SLC1A7: variants seen among roughly 807,000 people sequenced by gnomAD.
The protein encoded by SLC1A7 is solute carrier family 1 member 7.
Under a neutral mutation model 47.7 loss-of-function variants are expected in SLC1A7, and 40 were observed. That is an observed-to-expected ratio of 0.84 (90% CI 0.65 to 1.09). SLC1A7 has a LOEUF of 1.09. Among genes scored for constraint, SLC1A7 ranks in the 50% least tolerant of loss-of-function variants. The probability of loss-of-function intolerance (pLI) is 0.00; values close to 1 mark genes in which losing one functional copy is unlikely to be tolerated. For synonymous variants in SLC1A7, 323 were observed against 325.6 expected (o/e 0.99, Z 0.09); for missense variants, 746 against 769.5 (o/e 0.97, Z 0.36).
At chr1:53,124,420 G>A (rs1480175411) in intron 2 of SLC1A7, among the ~76,000 whole-genome samples, 1 of 152,134 alleles carries the variant, frequency 6.6e-6, no homozygotes, top group Non-Finnish European at 1.5e-5. Context: ...CCTGAAGGAC[G>A]CCTGGTTTAA....
At chr1:53,135,043 T>C (rs567316314) in intron 1 of SLC1A7, among the ~76,000 whole-genome samples, 9 of 151,878 alleles carry the variant, frequency 5.9e-5, no homozygotes, top group Non-Finnish European at 8.8e-5. Flanking sequence ...CACAGGGTCA[T>C]TGGGGGGCTT....
At chr1:53,134,562 A>G (rs1644972347) in intron 1 of SLC1A7, 133 bp from the exon 2 acceptor site, 3 of 543,122 alleles carry the variant, frequency 5.5e-6, no homozygotes, top group South Asian at 2.8e-5. Context: ...CCATGGAGAA[A>G]GAACTGGCTT....
chr1:53,129,525 AG>A (rs1644918637), intron 2 of SLC1A7, among the ~76,000 whole-genome samples: 1 of 96,778 alleles, frequency 1.0e-5, no homozygotes, highest in African/African-American at 3.8e-5. Context: ...CACATGTCTG[AG>A]GAGGGACTTG....
intron 6 of SLC1A7, 77 bp downstream of exon 6, chr1:53,093,384 A>C (rs190980095): frequency 8.6e-7 from 1 of 1,159,864 alleles, no homozygotes; most frequent in East Asian, 2.5e-5. Flanking sequence ...ACTTTACGGG[A>C]GAAGAGGGTG....
At chr1:53,105,299 C>T (rs1282703179) in intron 4 of SLC1A7, among the ~76,000 whole-genome samples, 1 of 152,080 alleles carries the variant, frequency 6.6e-6, no homozygotes, top group Non-Finnish European at 1.5e-5. Flanking sequence ...AAAGAGAAAA[C>T]AGGCTAAGAA....
intron 5 of SLC1A7, 95 bp downstream of exon 5, chr1:53,103,251 C>G (rs1336780747): frequency 2.3e-6 from 2 of 876,168 alleles, no homozygotes; most frequent in Non-Finnish European, 3.4e-6. Flanking sequence ...CTCCAGCATT[C>G]TCCCCAGACC....
At chr1:53,121,863 C>G (rs1188356591) in intron 2 of SLC1A7, among the ~76,000 whole-genome samples, 1 of 152,176 alleles carries the variant, frequency 6.6e-6, no homozygotes, top group Non-Finnish European at 1.5e-5. Context: ...GGCCCCCTGC[C>G]TGTGGCTTCA....
intron 2 of SLC1A7, among the ~76,000 whole-genome samples, chr1:53,129,563 TAGAAAAAAAAGAGCCCAC>T (rs1553164874): frequency 2.0e-3 from 273 of 138,162 alleles, no homozygotes; most frequent in East Asian, 4.0e-3. Flanking sequence ...GGAGAAATTC[TAGAAAAAAAAGAGCCCAC>T]AGCTGGAAGA....
chr1:53,119,903 C>A (rs1644801031), intron 2 of SLC1A7, among the ~76,000 whole-genome samples: 1 of 152,000 alleles, frequency 6.6e-6, no homozygotes, highest in Admixed American at 6.5e-5. Flanking sequence ...GGAGAATAGG[C>A]AACCACCTCT....
chr1:53,094,160 C>T (rs1339968339), intron 5 of SLC1A7, among the ~76,000 whole-genome samples: 1 of 152,236 alleles, frequency 6.6e-6, no homozygotes, highest in Non-Finnish European at 1.5e-5. Context: ...GGTTTTTTCC[C>T]GTCTCCTCTG....
intron 2 of SLC1A7, among the ~76,000 whole-genome samples, chr1:53,116,526 G>A (rs915860058): frequency 6.6e-6 from 1 of 152,202 alleles, no homozygotes; most frequent in Non-Finnish European, 1.5e-5. Context: ...GTTAGTGATG[G>A]GCTTAGGGTG....
chr1:53,138,532 A>ATT (rs11402739), intron 1 of SLC1A7, among the ~76,000 whole-genome samples: 338 of 140,042 alleles, frequency 2.4e-3, no homozygotes, highest in Middle Eastern at 3.8e-3. Context: ...ATTGACATTA[A>ATT]TTTTTTTTTT....
At chr1:53,089,048 C>T (rs1644391273) in intron 9 of SLC1A7, 69 bp from the exon 10 acceptor site, 2 of 1,261,272 alleles carry the variant, frequency 1.6e-6, no homozygotes, top group Non-Finnish European at 2.3e-6. Context: ...AGTGCTCAAC[C>T]CAGCACAGTA....
At chr1:53,103,958 A>T (rs1644612239) in intron 4 of SLC1A7, among the ~76,000 whole-genome samples, 1 of 152,014 alleles carries the variant, frequency 6.6e-6, no homozygotes, top group South Asian at 2.1e-4. Context: ...CCTGCTGCCC[A>T]CCAGGTGGAA....
At position 53,114,863 on chromosome 1, in the gene SLC1A7, A is replaced by G. The variant is rs1644739879; in HGVS notation, c.326T>C (p.Phe109Ser). 1 of 1,614,076 alleles carries G rather than the reference A, an allele frequency of 6.2e-7. No individual in the cohort carries two copies. Among genetic ancestry groups the G allele is most frequent in the East Asian group, 2.2e-5 (1 of 44,888 alleles). ...TTFMAVIVGI[F>S]MVSIIHPGSA... ...GCCTGGGTGGATGATGGAGACCATG[A>G]AGATGCCCACGATGACAGCCATGAA... is the stretch of plus-strand genomic sequence containing the variant. Residue 109 changes from phenylalanine to serine, a missense_variant, in exon 3 of 11, where the codon TTC becomes TCC. Physicochemically the swap from Phe to Ser is radical, Grantham distance 155 (BLOSUM62 -2). Transcript: ENST00000371494.
intron 7 of SLC1A7, 41 bp from the exon 8 acceptor site, chr1:53,090,847 C>G (rs1252413596): frequency 6.4e-7 from 1 of 1,573,358 alleles, no homozygotes; most frequent in Non-Finnish European, 8.6e-7. Context: ...CACCCTCCTC[C>G]AGGATGGCTG....
rs752917359 is a variant in SLC1A7, at chr1:53,134,339, C to A, written c.215+11G>T. The A allele has an allele frequency of 3.7e-6, 6 of 1,608,412 alleles. No individual in the cohort carries two copies. The East Asian group carries it at 1.3e-4, about 36-fold the overall frequency. On this transcript the variant is annotated intron_variant, in intron 2 of 10. Transcript: ENST00000371494. Reference sequence around the variant, plus strand: ...TGGTTCCGGACCACCTGGTCAAACCCCCGCTCTCACCTGGAGACCACCAGT... The same window carrying A: ...TGGTTCCGGACCACCTGGTCAAACCACCGCTCTCACCTGGAGACCACCAGT...
chr1:53,136,087 C>T (rs1212809105), intron 1 of SLC1A7, among the ~76,000 whole-genome samples: 1 of 151,404 alleles, frequency 6.6e-6, no homozygotes, highest in African/African-American at 2.4e-5. Flanking sequence ...GGACTGCTAA[C>T]ATTTCCAATG....
Position 53,105,772 on chromosome 1 carries a change from TTCCTAG to T in SLC1A7, c.432-4_433del. 6.2e-7 allele frequency: 1 copy of T among 1,613,222 alleles called. No homozygotes were observed. The highest frequency in any genetic ancestry group is 1.1e-5 in the South Asian group (1 of 91,034). On this transcript the variant is annotated splice_acceptor_variant and splice_polypyrimidine_tract_variant and coding_sequence_variant and intron_variant, in exon 4 of 11. Transcript: ENST00000371494. LOFTEE classifies it high-confidence loss of function. ...TTCTACTAGGTTGGCTGGGAACATG[TTCCTAG>T]GAAGAGAATCAGCAATTGAAAAATT...
Sources: allele counts gnomAD v4.1 joint callset (sites outside exome capture counted in the v4.1 genomes callset), GRCh38; gene constraint gnomAD v4.1.1; transcripts MANE v1.5; gene names NCBI Gene and HGNC (gene_info 2026-07-23, HGNC 2026-07-21).